Variants in KIAA1217 observed in about 807,000 individuals in gnomAD.
The protein encoded by KIAA1217 is sickle tail protein homolog.
Under a neutral mutation model 163.9 loss-of-function variants are expected in KIAA1217, and 88 were observed. That is an observed-to-expected ratio of 0.54 (90% confidence interval 0.45 to 0.64). The LOEUF (loss-of-function observed/expected upper bound fraction) is 0.64. Among genes scored for constraint, KIAA1217 ranks in the 30% least tolerant of loss-of-function variants. KIAA1217 has a pLI of 0.00. For missense variants in KIAA1217, 2,372 were observed against 2,475.0 expected, an observed-to-expected ratio of 0.96 and a Z score of 0.88; for synonymous variants, 903 against 923.1, an observed-to-expected ratio of 0.98 and a Z score of 0.39.
At chr10:23,785,120 G>A (rs1564417238) in intron 1 of KIAA1217, among the ~76,000 whole-genome samples, 1 of 151,908 alleles carries the variant, frequency 6.6e-6, no homozygotes, top group African/African-American at 2.4e-5. Context: ...GATGTGAAAG[G>A]CCCTTTGTGA....
intron 2 of KIAA1217, among the ~76,000 whole-genome samples, chr10:24,041,451 T>A (rs905083536): frequency 1.3e-5 from 2 of 152,202 alleles, no homozygotes; most frequent in East Asian, 3.9e-4. Context: ...TTTGTTAGAA[T>A]AAACTCCGAA....
intron 1 of KIAA1217, among the ~76,000 whole-genome samples, chr10:23,912,250 A>T (rs17570018): frequency 6.6e-6 from 1 of 152,168 alleles, no homozygotes; most frequent in Non-Finnish European, 1.5e-5. Flanking sequence ...TTAAATGAGC[A>T]TTTAATATAG....
chr10:24,349,152 A>AAG lies in KIAA1217; in HGVS notation c.355-31711_355-31710dup, dbSNP rs1554825380. Among the ~76,000 whole-genome samples the AAG allele has an allele frequency of 2.8e-3, 412 of 145,160 alleles. 18 individuals are homozygous for AAG. The highest frequency in any genetic ancestry group is 0.014 in the Middle Eastern group (4 of 280). On this transcript the variant is annotated intron_variant, in intron 2 of 20. Transcript: ENST00000376454. The stretch of plus-strand genomic sequence containing the variant: ...TGTCTCAAAAAAAAAAAAAAAAAAA[A>AAG]AGAGAGATTGAGATCTGAGATCTCA...
At chr10:23,893,311 T>C (rs1369393416) in intron 1 of KIAA1217, among the ~76,000 whole-genome samples, 5 of 152,114 alleles carry the variant, frequency 3.3e-5, no homozygotes, top group African/African-American at 1.2e-4. Flanking sequence ...GCTGGTAGTT[T>C]GTATTTCTGT....
At chr10:23,793,347 G>A (rs74123135) in intron 1 of KIAA1217, among the ~76,000 whole-genome samples, 2,666 of 152,206 alleles carry the variant, frequency 0.018, 72 homozygotes, top group African/African-American at 0.061. Context: ...TCCCCGGTGC[G>A]TTCTGTGCTT....
intron 2 of KIAA1217, among the ~76,000 whole-genome samples, chr10:24,135,196 G>A (rs1467417370): frequency 6.6e-6 from 1 of 152,202 alleles, no homozygotes; most frequent in Non-Finnish European, 1.5e-5. Flanking sequence ...AAGAGGAGAA[G>A]GAGGATGGAG....
chr10:24,545,772 G>A, intron 20 of KIAA1217, 55 bp from the exon 21 acceptor site: 1 of 1,542,188 alleles, frequency 6.5e-7, no homozygotes, highest in Non-Finnish European at 8.7e-7. Flanking sequence ...GGCCCTGTGG[G>A]TTGATCATGT....
intron 2 of KIAA1217, among the ~76,000 whole-genome samples, chr10:24,166,724 C>T (rs1025347138): frequency 6.6e-6 from 1 of 151,922 alleles, no homozygotes; most frequent in Non-Finnish European, 1.5e-5. Flanking sequence ...GACTCAGTCT[C>T]AAATTAAAAA....
chr10:23,845,458 G>A (rs1838979778), intron 1 of KIAA1217, among the ~76,000 whole-genome samples: 1 of 152,006 alleles, frequency 6.6e-6, no homozygotes, highest in Non-Finnish European at 1.5e-5. Context: ...ATCTCATTGT[G>A]GTTTTGATTT....
intron 1 of KIAA1217, among the ~76,000 whole-genome samples, chr10:23,746,305 C>A (rs1031799162): frequency 6.6e-6 from 1 of 152,220 alleles, no homozygotes; most frequent in Admixed American, 6.5e-5. Context: ...GTGGAAGCAG[C>A]TGAAGCTTCC....
rs754847750 is a variant in KIAA1217, at chr10:24,438,453, C to A, written c.820C>A (p.Pro274Thr). The change falls in exon 5 of 21, where the codon CCA (proline) becomes ACA (threonine). Residue 274 changes from proline (P) to threonine (T), a missense_variant. Physicochemically the swap from Pro to Thr is conservative, Grantham distance 38 (BLOSUM62 -1). Coordinates refer to ENST00000376454, the MANE Select transcript of KIAA1217 (RefSeq NM_019590.5). ...KDPAHAFNHT[P>T]KTMNGDMRMQ... The stretch of plus-strand genomic sequence containing the variant: ...TCCTGCACATGCGTTTAATCACACA[C>A]CAAAAACTATGAATGGAGACATGAG... 12 of 1,611,958 alleles carry A rather than the reference C, an allele frequency of 7.4e-6. No homozygotes were observed. Among genetic ancestry groups the A allele is most frequent in the Non-Finnish European group, 1.0e-5 (12 of 1,178,152 alleles).
intron 1 of KIAA1217, among the ~76,000 whole-genome samples, chr10:23,845,673 T>C (rs1035458809): frequency 5.9e-5 from 9 of 152,196 alleles, no homozygotes; most frequent in African/African-American, 2.2e-4. Context: ...ATTTCTCCCA[T>C]TCTGTAGGTT....
intron 1 of KIAA1217, among the ~76,000 whole-genome samples, chr10:23,889,789 T>A (rs1841344210): frequency 6.6e-6 from 1 of 151,880 alleles, no homozygotes; most frequent in Non-Finnish European, 1.5e-5. Flanking sequence ...CCATCCTTGT[T>A]TTGTTCAGAA....
At chr10:23,938,119 C>T (rs188585117) in intron 1 of KIAA1217, among the ~76,000 whole-genome samples, 46 of 152,300 alleles carry the variant, frequency 3.0e-4, no homozygotes, top group Non-Finnish European at 3.7e-4. Context: ...TGTTGGGAAA[C>T]TTCTTAAGGT....
At chr10:24,495,992 CAAG>C (rs2066736395) in intron 8 of KIAA1217, among the ~76,000 whole-genome samples, 1 of 152,224 alleles carries the variant, frequency 6.6e-6, no homozygotes, top group Non-Finnish European at 1.5e-5. Context: ...CAGGCCTCTG[CAAG>C]AAGATGAGGT....
At chr10:24,030,252 A>G (rs1254443695) in intron 2 of KIAA1217, among the ~76,000 whole-genome samples, 1 of 152,076 alleles carries the variant, frequency 6.6e-6, no homozygotes, top group Non-Finnish European at 1.5e-5. Flanking sequence ...GTCCTCGCCC[A>G]AATCTCATCT....
chr10:24,259,814 A>G (rs2075551491), intron 2 of KIAA1217, among the ~76,000 whole-genome samples: 1 of 152,086 alleles, frequency 6.6e-6, no homozygotes, highest in African/African-American at 2.4e-5. Context: ...CCACATAGAG[A>G]AAGGGATGGA....
chr10:24,458,765 CT>C (rs1428677796), intron 5 of KIAA1217, among the ~76,000 whole-genome samples: 2 of 152,100 alleles, frequency 1.3e-5, no homozygotes, highest in Non-Finnish European at 2.9e-5. Flanking sequence ...ATTTTCTTCC[CT>C]ATTTCCATCT....
chr10:23,857,443 C>A (rs1564482272), intron 1 of KIAA1217, among the ~76,000 whole-genome samples: 1 of 152,106 alleles, frequency 6.6e-6, no homozygotes, highest in African/African-American at 2.4e-5. Context: ...TGAAAGCAGG[C>A]CCTGTCATTA....
Sources: allele counts gnomAD v4.1 joint callset (sites outside exome capture counted in the v4.1 genomes callset), GRCh38; gene constraint gnomAD v4.1.1; transcripts MANE v1.5; gene names NCBI Gene and HGNC (gene_info 2026-07-23, HGNC 2026-07-21).